The following SPATA21 variants were observed in gnomAD, a reference collection of about 807,000 sequenced individuals.
The protein encoded by SPATA21 is spermatogenesis associated 21, also known as spermatogenesis-associated protein 21.
SPATA21 carries 47 observed loss-of-function variants against 54.8 expected under a neutral mutation model. That is an observed-to-expected ratio of 0.86 (90% CI 0.68 to 1.09). The LOEUF (loss-of-function observed/expected upper bound fraction) is 1.09. Among genes scored for constraint, SPATA21 ranks in the 50% least tolerant of loss-of-function variants. The probability of loss-of-function intolerance (pLI) is 0.00; values close to 1 mark genes in which losing one functional copy is unlikely to be tolerated. For synonymous variants in SPATA21, 245 were observed against 235.3 expected, an observed-to-expected ratio of 1.04 and a Z score of -0.38; for missense variants, 599 against 596.4, an observed-to-expected ratio of 1.00 and a Z score of -0.05.
In SPATA21 at chr1:16,415,528, G is replaced by T. The variant is rs183647682; in HGVS notation, c.145-5485C>A. Among the ~76,000 whole-genome samples, 9 of 152,252 alleles carry T rather than the reference G, an allele frequency of 5.9e-5. No individual in the cohort carries two copies. In the East Asian group the frequency reaches 1.7e-3, roughly 29 times the overall value. On this transcript the variant is annotated intron_variant, in intron 5 of 12. Coordinates refer to ENST00000335496, the MANE Select transcript of SPATA21 (RefSeq NM_198546.1). ...CAGACTCTGAGCCCCAAGGTGGGTA[G>T]AAGTCTGTCTCAGAATGTCTCCTAT...
chr1:16,407,486 GTCTC>G (rs985742179), intron 7 of SPATA21, among the ~76,000 whole-genome samples: 16 of 152,160 alleles, frequency 1.1e-4, no homozygotes, highest in African/African-American at 3.4e-4. Flanking sequence ...TTGAGACGGA[GTCTC>G]TCTCTGTCAC....
intron 7 of SPATA21, among the ~76,000 whole-genome samples, chr1:16,407,537 G>A (rs2085681712): frequency 6.6e-6 from 1 of 150,380 alleles, no homozygotes; most frequent in Non-Finnish European, 1.5e-5. Context: ...TTGGCTCACT[G>A]CAACCTCCAC....
At chr1:16,419,214 A>G (rs992827484) in intron 5 of SPATA21, among the ~76,000 whole-genome samples, 2 of 152,198 alleles carry the variant, frequency 1.3e-5, no homozygotes, top group South Asian at 2.1e-4. Context: ...AAGACTGTCT[A>G]TGAAGAGGAG....
intron 7 of SPATA21, among the ~76,000 whole-genome samples, chr1:16,405,780 C>G (rs562001564): frequency 2.0e-5 from 3 of 152,330 alleles, no homozygotes; most frequent in Admixed American, 6.5e-5. Flanking sequence ...ATCCTCTGCT[C>G]TGGTCCACAC....
intron 5 of SPATA21, among the ~76,000 whole-genome samples, chr1:16,412,797 TCTTTC>T (rs1256647404): frequency 1.3e-5 from 2 of 151,900 alleles, no homozygotes; most frequent in African/African-American, 2.4e-5. Flanking sequence ...TTTCTTTCTT[TCTTTC>T]TTTTTTTAGA....
At chr1:16,401,484 C>T (rs767269128) in intron 10 of SPATA21, among the ~76,000 whole-genome samples, 12 of 151,480 alleles carry the variant, frequency 7.9e-5, no homozygotes, top group Non-Finnish European at 1.6e-4. Context: ...TGTGTAGAGA[C>T]GTGGTCTCGC....
intron 5 of SPATA21, among the ~76,000 whole-genome samples, chr1:16,418,007 A>G (rs2086063174): frequency 6.6e-6 from 1 of 152,196 alleles, no homozygotes; most frequent in South Asian, 2.1e-4. Context: ...CTTCCTGTCC[A>G]GGACCTCTCA....
Position 16,427,801 on chromosome 1 carries a change from C to T in SPATA21, c.34+3537G>A. 3.3e-6 allele frequency: 5 copies of T among 1,493,516 alleles called. No individual in the cohort carries two copies. The South Asian group carries it at 6.3e-5, about 19-fold the overall frequency. 92.5% of individuals were successfully genotyped at this position (1,493,516 alleles called of 1,614,324 possible). A position where few individuals can be genotyped will look rare whatever the true frequency, so the allele number is the denominator to read the frequency against. ...GGAGTTCTCCATTCTCTCTCTCTCC[C>T]CCGCGGGTGGGCTACAGGGGGTTCT... On this transcript the variant is annotated intron_variant, in intron 3 of 12. Coordinates refer to ENST00000335496, the MANE Select transcript of SPATA21 (RefSeq NM_198546.1).
In SPATA21 at chr1:16,428,338, ACG is replaced by A. The variant is rs1215705115; in HGVS notation, c.34+2998_34+2999del. 6.6e-6 allele frequency among the ~76,000 whole-genome samples: 1 copy of A among 152,168 alleles called. No homozygotes were observed. Among genetic ancestry groups the A allele is most frequent in the Non-Finnish European group, 1.5e-5 (1 of 68,024 alleles). On this transcript the variant is annotated intron_variant, in intron 3 of 12. Transcript: ENST00000335496. This position sits in a 1 kb window ranked among gnomAD's most constrained non-coding sequence, Gnocchi z 4.3. ...CCAAGACTCTCACAAGGTCCAAGAGACGCCTTCAACAATTCCCATGCCTTCAA... is the reference window on the plus strand; with the variant it reads ...CCAAGACTCTCACAAGGTCCAAGAGACCTTCAACAATTCCCATGCCTTCAA...
rs138096319 is a variant in SPATA21, at chr1:16,417,494, G to A, written c.144+4015C>T. ...GCTCTTGTTCCCCAGGCTGGAGTGC[G>A]ATGGCACGATCTTGGCTCACTGCAA... On this transcript the variant is annotated intron_variant, in intron 5 of 12. Transcript: ENST00000335496. Among the ~76,000 whole-genome samples the A allele has an allele frequency of 4.6e-3, 688 of 149,038 alleles. 7 individuals carry two copies. The highest frequency in any genetic ancestry group is 0.016 in the African/African-American group (649 of 40,280).
At position 16,435,953 on chromosome 1, in the gene SPATA21, G is replaced by T. The variant is rs79721644; in HGVS notation, c.-187+1175C>A. ...TGAAGCACAGAAGTTTTAAATTTTT[G>T]TAAAAGTCCCATTTATCGGCCTGGT... On this transcript the variant is annotated intron_variant, in intron 1 of 12. Transcript: ENST00000335496. Among the ~76,000 whole-genome samples the T allele has an allele frequency of 5.2e-3, 797 of 152,062 alleles. 5 individuals are homozygous for T. Among genetic ancestry groups the T allele is most frequent in the African/African-American group, 0.018 (758 of 41,470 alleles).
chr1:16,426,172 C>A (rs893957731), intron 3 of SPATA21, among the ~76,000 whole-genome samples: 1 of 152,214 alleles, frequency 6.6e-6, no homozygotes, highest in Admixed American at 6.5e-5. Flanking sequence ...GATAACTGTT[C>A]AAAATTTGAA....
In SPATA21 at chr1:16,399,429, G is replaced by A. The variant is rs1402945029; in HGVS notation, c.1267C>T (p.His423Tyr). Reference protein sequence around the residue: ...KKMVRRQPSNHYALDQCTPPG... With the variant: ...KKMVRRQPSNYYALDQCTPPG... ...GGTGTGCACTGGTCTAGTGCATAGT[G>A]GTTGCTCGGCTGCCTACGGACCATC... The change falls in exon 12 of 13, where the codon CAC (histidine) becomes TAC (tyrosine). Residue 423 changes from histidine to tyrosine, a missense_variant. His to Tyr is a moderately conservative substitution (Grantham distance 83, BLOSUM62 2). Transcript: ENST00000335496. The A allele has an allele frequency of 6.2e-7, 1 of 1,613,368 alleles. No homozygotes were observed. Among genetic ancestry groups the A allele is most frequent in the Non-Finnish European group, 8.5e-7 (1 of 1,180,038 alleles).
At chr1:16,406,654 ATTACTT>A (rs1253057694) in intron 7 of SPATA21, among the ~76,000 whole-genome samples, 1 of 152,216 alleles carries the variant, frequency 6.6e-6, no homozygotes, top group Admixed American at 6.6e-5. Flanking sequence ...AGGTGGAAGG[ATTACTT>A]GATCCCCGAA....
At chr1:16,400,539 G>C in intron 11 of SPATA21, 181 bp downstream of exon 11, 2 of 1,402,074 alleles carry the variant, frequency 1.4e-6, no homozygotes, top group Non-Finnish European at 1.9e-6. Flanking sequence ...ATTGTCATAG[G>C]CCTGGATGGA....
In SPATA21 at chr1:16,421,680, T is replaced by A. The variant is rs1214371488; in HGVS notation, c.96-123A>T. On this transcript the variant is annotated intron_variant, in intron 4 of 12. Coordinates refer to ENST00000335496, the MANE Select transcript of SPATA21 (RefSeq NM_198546.1). The surrounding 1 kb of genome is among the most constrained non-coding windows in gnomAD (Gnocchi z 5.2). ...CAGCCTCATCCCCTTGGCCTTCTCA[T>A]CTCAGGGGGCTCCTTATGTCCCCAC... The A allele has an allele frequency of 4.3e-6, 5 of 1,169,994 alleles. No individual in the cohort carries two copies. Among genetic ancestry groups the A allele is most frequent in the Non-Finnish European group, 6.1e-6 (5 of 822,546 alleles). 72.5% of individuals were successfully genotyped at this position (1,169,994 alleles called of 1,614,324 possible). A position where few individuals can be genotyped will look rare whatever the true frequency, so the allele number is the denominator to read the frequency against.
intron 5 of SPATA21, among the ~76,000 whole-genome samples, chr1:16,419,559 A>C (rs942430199): frequency 6.6e-6 from 1 of 152,190 alleles, no homozygotes; most frequent in African/African-American, 2.4e-5. Context: ...GGGCTGAAGA[A>C]GACTGCTGTG....
At chr1:16,432,130 T>C (rs1452291595) in intron 2 of SPATA21, among the ~76,000 whole-genome samples, 1 of 121,310 alleles carries the variant, frequency 8.2e-6, no homozygotes, top group Non-Finnish European at 1.8e-5. Context: ...TTTTTTTTTT[T>C]GTTTGTTTTG....
intron 1 of SPATA21, among the ~76,000 whole-genome samples, chr1:16,435,279 A>G (rs1430247945): frequency 1.3e-5 from 2 of 151,592 alleles, no homozygotes; most frequent in African/African-American, 2.4e-5. Flanking sequence ...CTTATTGGCC[A>G]TTTGTCTATC....
Sources: gnomAD v4.1 joint callset for allele counts (sites outside exome capture counted in the v4.1 genomes callset) on GRCh38, gnomAD v4.1.1 for gene constraint, Gnocchi (gnomAD v3.1) non-coding constraint, MANE v1.5 for transcripts, NCBI Gene and HGNC (gene_info 2026-07-23, HGNC 2026-07-21) for gene names.